CCSER1: variants seen among roughly 807,000 people sequenced by gnomAD.
The protein encoded by CCSER1 is serine-rich coiled-coil domain-containing protein 1.
Under a neutral mutation model 82.0 loss-of-function variants are expected in CCSER1, and 41 were observed. That is an observed-to-expected ratio of 0.50 (90% CI 0.39 to 0.65). CCSER1 has a LOEUF of 0.65. Among genes scored for constraint, CCSER1 ranks in the 30% least tolerant of loss-of-function variants. The pLI is 0.00. For missense variants in CCSER1, 1,119 were observed against 1,064.2 expected, an observed-to-expected ratio of 1.05 and a Z score of -0.72; for synonymous variants, 414 against 383.9, an observed-to-expected ratio of 1.08 and a Z score of -0.92.
rs573420511 is a variant in CCSER1 at position 90,894,371 on chromosome 4, T to C, written c.2095-28999T>C. Among the ~76,000 whole-genome samples the C allele has an allele frequency of 3.3e-3, 509 of 152,186 alleles. 4 individuals carry two copies. Among genetic ancestry groups the C allele is most frequent in the Non-Finnish European group, 4.7e-3 (319 of 67,984 alleles). On this transcript the variant is annotated intron_variant, in intron 8 of 10. Transcript: ENST00000509176. Reference sequence around the variant, plus strand: ...GAAATAGTTGATCTATGTTTGATACTATGCACATACTTATTTACATGAAAG... The same window carrying C: ...GAAATAGTTGATCTATGTTTGATACCATGCACATACTTATTTACATGAAAG...
At chr4:91,139,155 T>C (rs1325782659) in intron 10 of CCSER1, among the ~76,000 whole-genome samples, 1 of 152,204 alleles carries the variant, frequency 6.6e-6, no homozygotes, top group African/African-American at 2.4e-5. Context: ...GCTCTTGGGT[T>C]AATTCATTTA....
chr4:90,926,117 A>T (rs1164168592), intron 9 of CCSER1, among the ~76,000 whole-genome samples: 2 of 152,010 alleles, frequency 1.3e-5, no homozygotes, highest in Non-Finnish European at 2.9e-5. Context: ...TTAATATTTT[A>T]TATGCAATAA....
intron 10 of CCSER1, among the ~76,000 whole-genome samples, chr4:91,177,876 C>T (rs7697321): frequency 6.6e-6 from 1 of 151,946 alleles, no homozygotes; most frequent in Admixed American, 6.5e-5. Flanking sequence ...TTTGCTCTTG[C>T]TTCTCTAGTT....
At chr4:90,478,887 C>T (rs537802335) in intron 5 of CCSER1, among the ~76,000 whole-genome samples, 6 of 151,914 alleles carry the variant, frequency 3.9e-5, no homozygotes, top group African/African-American at 9.6e-5. Flanking sequence ...ATTATAGGCA[C>T]GTGCCACCAC....
chr4:90,888,336 A>C (rs1408807897), intron 8 of CCSER1, among the ~76,000 whole-genome samples: 1 of 152,116 alleles, frequency 6.6e-6, no homozygotes, highest in African/African-American at 2.4e-5. Context: ...GATTTATTCT[A>C]CTCTTTATGC....
At chr4:91,567,488 T>C (rs1454259842) in intron 10 of CCSER1, among the ~76,000 whole-genome samples, 1 of 152,148 alleles carries the variant, frequency 6.6e-6, no homozygotes, top group African/African-American at 2.4e-5. Context: ...TGCTGAAGTC[T>C]CCCACTATTA....
chr4:90,739,463 C>T (rs1342536177), intron 7 of CCSER1, among the ~76,000 whole-genome samples: 1 of 152,198 alleles, frequency 6.6e-6, no homozygotes, highest in Non-Finnish European at 1.5e-5. Flanking sequence ...CCCTTGGCTG[C>T]CCCAGCTTGT....
chr4:90,226,628 A>T (rs900695772), intron 1 of CCSER1, among the ~76,000 whole-genome samples: 1 of 152,244 alleles, frequency 6.6e-6, no homozygotes, highest in Non-Finnish European at 1.5e-5. Flanking sequence ...GAATAAATAT[A>T]TTTAACTTCA....
intron 6 of CCSER1, among the ~76,000 whole-genome samples, chr4:90,705,594 G>A (rs1196770497): frequency 6.6e-6 from 1 of 152,182 alleles, no homozygotes; most frequent in East Asian, 1.9e-4. Context: ...AGGCAGGCAG[G>A]CTTCCTTGAG....
chr4:90,842,956 A>G (rs1762757875), intron 8 of CCSER1, among the ~76,000 whole-genome samples: 3 of 152,194 alleles, frequency 2.0e-5, no homozygotes, highest in African/African-American at 4.8e-5. Context: ...TGTTAGAACT[A>G]TGAAATTGCT....
At chr4:90,416,314 AC>A (rs1192286549) in intron 4 of CCSER1, among the ~76,000 whole-genome samples, 1 of 152,166 alleles carries the variant, frequency 6.6e-6, no homozygotes, top group Non-Finnish European at 1.5e-5. Flanking sequence ...CTTAATCCTC[AC>A]AATAACTCTG....
rs150063641 is a variant in CCSER1, at chr4:90,522,181, G to T, written c.1724+53827G>T. 3.6e-3 allele frequency among the ~76,000 whole-genome samples: 550 copies of T among 152,188 alleles called. 4 individuals are homozygous for T. Among genetic ancestry groups the T allele is most frequent in the African/African-American group, 0.013 (520 of 41,544 alleles). On this transcript the variant is annotated intron_variant, in intron 5 of 10. Coordinates refer to ENST00000509176, the MANE Select transcript of CCSER1 (RefSeq NM_001145065.2). Reference sequence around the variant, plus strand: ...TTTAGACTCAATTCCATAAATTTCTGCTTCCTCCTGTATTCTCATTTGTGG... The same window carrying T: ...TTTAGACTCAATTCCATAAATTTCTTCTTCCTCCTGTATTCTCATTTGTGG...
In CCSER1 at chr4:90,348,464, A is replaced by C. The variant is rs899248075; in HGVS notation, c.1509+35417A>C. On this transcript the variant is annotated intron_variant, in intron 3 of 10. Coordinates refer to ENST00000509176, the MANE Select transcript of CCSER1 (RefSeq NM_001145065.2). Reference sequence around the variant, plus strand: ...ATGTATCTTGGACATTAACATTCTTATCTCAATAGGGCAAATTTTTAATTT... The same window carrying C: ...ATGTATCTTGGACATTAACATTCTTCTCTCAATAGGGCAAATTTTTAATTT... Among the ~76,000 whole-genome samples the C allele has an allele frequency of 2.6e-5, 4 of 152,136 alleles. No homozygotes were observed. The East Asian group carries it at 7.7e-4, about 29-fold the overall frequency.
intron 10 of CCSER1, among the ~76,000 whole-genome samples, chr4:91,118,121 C>T (rs540290840): frequency 1.3e-5 from 2 of 152,076 alleles, no homozygotes; most frequent in Admixed American, 6.5e-5. Flanking sequence ...TTCTTCTAAT[C>T]GTTGATACTA....
At chr4:91,287,429 T>C (rs561677220) in intron 10 of CCSER1, among the ~76,000 whole-genome samples, 5 of 152,000 alleles carry the variant, frequency 3.3e-5, no homozygotes, top group Non-Finnish European at 5.9e-5. Context: ...TCATTCTATT[T>C]TAGATATAGC....
At chr4:90,934,383 C>A (rs1020263970) in intron 9 of CCSER1, among the ~76,000 whole-genome samples, 2 of 152,130 alleles carry the variant, frequency 1.3e-5, no homozygotes, top group East Asian at 3.9e-4. Flanking sequence ...AAGGAAAGAA[C>A]CTGATAATGT....
intron 7 of CCSER1, among the ~76,000 whole-genome samples, chr4:90,790,163 C>G (rs1041065402): frequency 6.6e-6 from 1 of 152,054 alleles, no homozygotes; most frequent in African/African-American, 2.4e-5. Flanking sequence ...ATTAAAATAA[C>G]CTTTTTAACA....
chr4:91,000,326 C>T (rs2150474900), intron 9 of CCSER1, among the ~76,000 whole-genome samples: 1 of 151,862 alleles, frequency 6.6e-6, no homozygotes, highest in East Asian at 1.9e-4. Flanking sequence ...TAATTTGTAG[C>T]CTTGTAGTAT....
At chr4:91,219,193 AT>A (rs1737533489) in intron 10 of CCSER1, among the ~76,000 whole-genome samples, 1 of 151,574 alleles carries the variant, frequency 6.6e-6, no homozygotes, top group Non-Finnish European at 1.5e-5. Flanking sequence ...CTCAAAATTC[AT>A]TTTCAAATAT....
Sources: gnomAD v4.1 joint callset for allele counts (sites outside exome capture counted in the v4.1 genomes callset) on GRCh38, gnomAD v4.1.1 for gene constraint, MANE v1.5 for transcripts, NCBI Gene and HGNC (gene_info 2026-07-23, HGNC 2026-07-21) for gene names.